The following RHAG variants were observed in gnomAD, a reference collection of about 807,000 sequenced individuals.
RHAG encodes Rh associated glycoprotein.
Under a neutral mutation model 42.4 loss-of-function variants are expected in RHAG, and 25 were observed. The observed-to-expected ratio is 0.59, with a 90% CI of 0.43 to 0.82. RHAG has a LOEUF of 0.82. RHAG is among the 40% of genes least tolerant of loss of function. RHAG has a pLI of 0.00. For synonymous variants in RHAG, 182 were observed against 177.7 expected, an observed-to-expected ratio of 1.02 and a Z score of -0.19; for missense variants, 483 against 504.6, an observed-to-expected ratio of 0.96 and a Z score of 0.41.
intron 1 of RHAG, among the ~76,000 whole-genome samples, chr6:49,620,582 A>G (rs1032349196): frequency 7.2e-5 from 11 of 151,868 alleles, no homozygotes; most frequent in African/African-American, 2.7e-4. Flanking sequence ...CCCAGGATGG[A>G]GTGCAGTGGC....
At chr6:49,612,257 G>A in intron 6 of RHAG, 140 bp downstream of exon 6, 1 of 847,124 alleles carries the variant, frequency 1.2e-6, no homozygotes. Flanking sequence ...AATGGGAGTG[G>A]TATTTCCAAA....
At chr6:49,614,891 A>G (rs1443696062) in intron 4 of RHAG, 38 bp from the exon 5 acceptor site, 3 of 1,575,274 alleles carry the variant, frequency 1.9e-6, no homozygotes, top group Admixed American at 3.3e-5. Context: ...AGTTCTGAAT[A>G]TGGAAGACAG....
chr6:49,635,560 A>C (rs1355848188), intron 1 of RHAG, among the ~76,000 whole-genome samples: 3 of 152,152 alleles, frequency 2.0e-5, no homozygotes, highest in African/African-American at 7.2e-5. Context: ...CAAACTATAA[A>C]ACTTATTTAA....
intron 3 of RHAG, among the ~76,000 whole-genome samples, chr6:49,616,354 CAA>C (rs34416373): frequency 0.2 from 21,125 of 107,322 alleles, 1,584 homozygotes; most frequent in Non-Finnish European, 0.25. Flanking sequence ...AATCTCAAAC[CAA>C]AAAAAAAAAA....
chr6:49,629,647 G>C (rs1313955005), intron 1 of RHAG, among the ~76,000 whole-genome samples: 1 of 152,132 alleles, frequency 6.6e-6, no homozygotes, highest in South Asian at 2.1e-4. Flanking sequence ...CATGGAGGGG[G>C]TGGGGGGCTC....
At chr6:49,609,971 A>C (rs1401061214) in intron 7 of RHAG, among the ~76,000 whole-genome samples, 1 of 152,198 alleles carries the variant, frequency 6.6e-6, no homozygotes, top group African/African-American at 2.4e-5. Context: ...ACACGGGAAC[A>C]GAAAACCAAA....
intron 1 of RHAG, among the ~76,000 whole-genome samples, chr6:49,620,396 A>G (rs77395616): frequency 0.022 from 3,357 of 152,310 alleles, 111 homozygotes; most frequent in African/African-American, 0.073. Flanking sequence ...AGACATATAT[A>G]TGGATAAACC....
At chr6:49,619,855 A>C (rs768119662) in intron 1 of RHAG, among the ~76,000 whole-genome samples, 2 of 152,164 alleles carry the variant, frequency 1.3e-5, no homozygotes, top group Admixed American at 6.5e-5. Flanking sequence ...CCTGCACTAG[A>C]TTGTGAACTT....
At chr6:49,607,640 T>A (rs565177618) in intron 7 of RHAG, among the ~76,000 whole-genome samples, 1 of 152,338 alleles carries the variant, frequency 6.6e-6, no homozygotes, top group South Asian at 2.1e-4. Context: ...ATTGTAGAGA[T>A]AGCTCATTGA....
intron 3 of RHAG, 115 bp from the exon 4 acceptor site, chr6:49,615,886 G>A (rs1762644365): frequency 9.7e-7 from 1 of 1,035,568 alleles, no homozygotes; most frequent in Non-Finnish European, 1.5e-6. Flanking sequence ...AATTAAAGAG[G>A]GACAGAAAGA....
rs1456785978 is a variant in RHAG, at chr6:49,636,572, AG to A, written c.157+83del. On this transcript the variant is annotated intron_variant, in intron 1 of 9. Coordinates refer to ENST00000371175, the MANE Select transcript of RHAG (RefSeq NM_000324.3). ...ATCATATAATTCTACAAAGAGCTCA[AG>A]GGTTTATAGTATTCAATTGTTTTAC... The A allele has an allele frequency of 6.7e-6, 9 of 1,352,912 alleles. No individual in the cohort carries two copies. The Admixed American group carries it at 1.3e-4, about 20-fold the overall frequency. The allele number at this position is 1,352,912 out of a possible 1,614,324, so 83.8% of individuals were successfully genotyped here.
chr6:49,612,719 T>C (rs1346397040), intron 5 of RHAG, among the ~76,000 whole-genome samples, 185 bp from the exon 6 acceptor site: 1 of 152,236 alleles, frequency 6.6e-6, no homozygotes, highest in Admixed American at 6.5e-5. Flanking sequence ...TGACATTTGG[T>C]ATCTTTCTTG....
At chr6:49,625,970 T>C (rs944045431) in intron 1 of RHAG, among the ~76,000 whole-genome samples, 1 of 152,138 alleles carries the variant, frequency 6.6e-6, no homozygotes, top group Non-Finnish European at 1.5e-5. Context: ...TTCACTATCA[T>C]GGGAACAGCG....
At position 49,605,609 on chromosome 6, in the gene RHAG, C is replaced by T. The variant is rs1774148089; in HGVS notation, c.*204G>A. Reference sequence around the variant, plus strand: ...TTAATCATTGAAGAGCAAGAGACAGCATCAGACATAAGGACATTTTTACAC... The same window carrying T: ...TTAATCATTGAAGAGCAAGAGACAGTATCAGACATAAGGACATTTTTACAC... On this transcript the variant is annotated 3_prime_UTR_variant, in exon 10 of 10. Coordinates refer to ENST00000371175, the MANE Select transcript of RHAG (RefSeq NM_000324.3). 2 of 668,666 alleles carry T rather than the reference C, an allele frequency of 3.0e-6. No individual in the cohort carries two copies. The highest frequency in any genetic ancestry group is 3.1e-5 in the South Asian group (2 of 64,580). The allele number at this position is 668,666 out of a possible 1,614,324, so 41.4% of individuals were successfully genotyped here. A position where few individuals can be genotyped will look rare whatever the true frequency, so the allele number is the denominator to read the frequency against.
chr6:49,610,038 G>A (rs1762547732), intron 7 of RHAG, among the ~76,000 whole-genome samples: 1 of 151,990 alleles, frequency 6.6e-6, no homozygotes, highest in African/African-American at 2.4e-5. Flanking sequence ...ATGGACACAG[G>A]GAGGAGAACA....
intron 3 of RHAG, 77 bp downstream of exon 3, chr6:49,617,991 A>T: frequency 7.5e-7 from 1 of 1,327,866 alleles, no homozygotes; most frequent in Non-Finnish European, 1.1e-6. Flanking sequence ...GCTCCCATAT[A>T]CCGTAGACAC....
chr6:49,622,551 C>T (rs1762778359), intron 1 of RHAG, among the ~76,000 whole-genome samples: 1 of 152,048 alleles, frequency 6.6e-6, no homozygotes, highest in Non-Finnish European at 1.5e-5. Flanking sequence ...CACAAGCTCT[C>T]TCTTTGCCTC....
Position 49,619,163 on chromosome 6 carries a change from C to G in RHAG, c.341+16G>C. The G allele has an allele frequency of 1.2e-6, 2 of 1,613,488 alleles. No homozygotes were observed. Among genetic ancestry groups the G allele is most frequent in the Non-Finnish European group, 1.7e-6 (2 of 1,179,466 alleles). On this transcript the variant is annotated intron_variant, in intron 2 of 9. Coordinates refer to ENST00000371175, the MANE Select transcript of RHAG (RefSeq NM_000324.3). ...CTGGAGGATGCAAACATTCAGCCCA[C>G]AGTAAGGATGCTCACTTTTTGATTC...
chr6:49,608,705 A>G (rs1416786549), intron 7 of RHAG, among the ~76,000 whole-genome samples: 1 of 152,158 alleles, frequency 6.6e-6, no homozygotes, highest in African/African-American at 2.4e-5. Flanking sequence ...TTTTCCAAAT[A>G]GAAAATTGTA....
Sources: allele counts gnomAD v4.1 joint callset (sites outside exome capture counted in the v4.1 genomes callset), GRCh38; gene constraint gnomAD v4.1.1; transcripts MANE v1.5; gene names NCBI Gene and HGNC (gene_info 2026-07-23, HGNC 2026-07-21).